The following SLC41A2 variants were observed in gnomAD, a reference collection of about 807,000 sequenced individuals.
The protein encoded by SLC41A2 is solute carrier family 41 member 2, also known as SLC41A1-like 1.
In SLC41A2, 32 loss-of-function variants were observed where a neutral mutation model predicts 58.3. That is an observed-to-expected ratio of 0.55 (90% confidence interval 0.41 to 0.74). The LOEUF (loss-of-function observed/expected upper bound fraction) is 0.74. Among genes scored for constraint, SLC41A2 ranks in the 30% least tolerant of loss-of-function variants. The probability of loss-of-function intolerance (pLI) is 0.00; values close to 1 mark genes in which losing one functional copy is unlikely to be tolerated. For missense variants in SLC41A2, 514 were observed against 680.6 expected, an observed-to-expected ratio of 0.76 and a Z score of 2.72; for synonymous variants, 190 against 235.0, an observed-to-expected ratio of 0.81 and a Z score of 1.75.
intron 3 of SLC41A2, among the ~76,000 whole-genome samples, chr12:104,904,965 G>C (rs577430714): frequency 1.3e-5 from 2 of 152,226 alleles, no homozygotes; most frequent in Non-Finnish European, 1.5e-5. Context: ...CGGGTAGCCT[G>C]CTTTTATTCT....
rs553990020 is a variant in SLC41A2, at chr12:104,897,512, G to A, written c.664-2167C>T. 1.9e-4 allele frequency among the ~76,000 whole-genome samples: 28 copies of A among 151,344 alleles called. No individual in the cohort carries two copies. In the South Asian group the frequency reaches 5.9e-3, roughly 32 times the overall value. ...TAGGGTGGTACTAATCAATTAATTT[G>A]TTTTATAAATGATGAAGATCACTTT... On this transcript the variant is annotated intron_variant, in intron 3 of 10. Transcript: ENST00000258538.
At chr12:104,829,824 A>C (rs2041980251) in intron 10 of SLC41A2, among the ~76,000 whole-genome samples, 1 of 92,808 alleles carries the variant, frequency 1.1e-5, no homozygotes, top group Admixed American at 1.1e-4. Flanking sequence ...TCAAAGGAAG[A>C]ATATTACTTT....
At chr12:104,900,423 A>G (rs1480335096) in intron 3 of SLC41A2, among the ~76,000 whole-genome samples, 1 of 152,330 alleles carries the variant, frequency 6.6e-6, no homozygotes, top group East Asian at 1.9e-4. Context: ...GAGATGATAT[A>G]TATGTTTGTT....
At chr12:104,891,782 A>T (rs1199726926) in intron 4 of SLC41A2, among the ~76,000 whole-genome samples, 1 of 152,124 alleles carries the variant, frequency 6.6e-6, no homozygotes, top group Non-Finnish European at 1.5e-5. Context: ...ACATAATCTT[A>T]TATTTGGAAA....
intron 10 of SLC41A2, among the ~76,000 whole-genome samples, chr12:104,806,064 T>C (rs1448920137): frequency 1.3e-5 from 2 of 151,972 alleles, no homozygotes; most frequent in African/African-American, 4.8e-5. Flanking sequence ...TATTTATTTT[T>C]ACTTTATTTT....
chr12:104,869,996 C>G (rs975359122), intron 6 of SLC41A2, among the ~76,000 whole-genome samples: 1 of 152,160 alleles, frequency 6.6e-6, no homozygotes, highest in South Asian at 2.1e-4. Context: ...CTGGGTATAT[C>G]ATAATGGGTA....
intron 3 of SLC41A2, among the ~76,000 whole-genome samples, chr12:104,896,727 T>A (rs932138842): frequency 1.3e-5 from 2 of 152,052 alleles, no homozygotes; most frequent in Non-Finnish European, 2.9e-5. Context: ...AATGAGTGAG[T>A]GCTATGAATT....
chr12:104,824,057 G>T (rs549844295), intron 10 of SLC41A2, among the ~76,000 whole-genome samples: 1 of 152,160 alleles, frequency 6.6e-6, no homozygotes, highest in African/African-American at 2.4e-5. Context: ...AAATGATACG[G>T]AAGAGGTGAA....
intron 1 of SLC41A2, among the ~76,000 whole-genome samples, chr12:104,939,379 G>A (rs896431543): frequency 3.9e-5 from 6 of 152,052 alleles, no homozygotes; most frequent in African/African-American, 1.4e-4. Context: ...TAAATAGTTT[G>A]TACAGACAGG....
intron 8 of SLC41A2, among the ~76,000 whole-genome samples, 172 bp downstream of exon 8, chr12:104,861,119 G>A (rs963386769): frequency 1.3e-5 from 2 of 152,166 alleles, no homozygotes. Flanking sequence ...TCTGCCTGTT[G>A]AGACCTGGGA....
intron 10 of SLC41A2, among the ~76,000 whole-genome samples, chr12:104,822,859 A>G (rs2041692117): frequency 6.6e-6 from 1 of 152,146 alleles, no homozygotes; most frequent in African/African-American, 2.4e-5. Context: ...AAAAAAGGTT[A>G]AGAAAACAAA....
At chr12:104,942,470 C>A (rs944850229) in intron 1 of SLC41A2, among the ~76,000 whole-genome samples, 9 of 117,548 alleles carry the variant, frequency 7.7e-5, no homozygotes, top group Admixed American at 7.1e-4. Flanking sequence ...AGAGTGAGAT[C>A]TTGTCCAAAA....
chr12:104,816,194 A>G (rs1459924572), intron 10 of SLC41A2, among the ~76,000 whole-genome samples: 1 of 152,252 alleles, frequency 6.6e-6, no homozygotes, highest in East Asian at 1.9e-4. Flanking sequence ...AAGTGTTTCT[A>G]CTTGTAGATA....
chr12:104,950,198 T>C (rs1312747852), intron 1 of SLC41A2, among the ~76,000 whole-genome samples: 1 of 152,182 alleles, frequency 6.6e-6, no homozygotes, highest in East Asian at 1.9e-4. Flanking sequence ...TATGCTCTGG[T>C]TGTGTCCCCA....
chr12:104,844,631 A>G lies in SLC41A2; in HGVS notation c.1388-11T>C, dbSNP rs754360630. 1.2e-5 allele frequency: 17 copies of G among 1,463,260 alleles called. No individual in the cohort carries two copies. 90.6% of individuals were successfully genotyped at this position (1,463,260 alleles called of 1,614,324 possible). A position where few individuals can be genotyped will look rare whatever the true frequency, so the allele number is the denominator to read the frequency against. On this transcript the variant is annotated splice_polypyrimidine_tract_variant and intron_variant, in intron 9 of 10. Transcript: ENST00000258538. ...ACTTATTATTTACTCCTGTAATATAAAATGTAAAAGTAATTAAAACAAAAT... is the reference window on the plus strand; with the variant it reads ...ACTTATTATTTACTCCTGTAATATAGAATGTAAAAGTAATTAAAACAAAAT...
chr12:104,808,966 G>A (rs1392831023), intron 10 of SLC41A2, among the ~76,000 whole-genome samples: 1 of 152,120 alleles, frequency 6.6e-6, no homozygotes, highest in Non-Finnish European at 1.5e-5. Flanking sequence ...TAATGTTCAT[G>A]GTTTTGGACA....
chr12:104,858,011 T>C (rs770533902), intron 8 of SLC41A2, among the ~76,000 whole-genome samples: 2 of 151,400 alleles, frequency 1.3e-5, no homozygotes, highest in Admixed American at 1.3e-4. Context: ...AAAAAGAAAA[T>C]AAAAAAATAA....
intron 1 of SLC41A2, among the ~76,000 whole-genome samples, chr12:104,932,380 T>A (rs958216666): frequency 6.6e-6 from 1 of 152,006 alleles, no homozygotes; most frequent in African/African-American, 2.4e-5. Flanking sequence ...AATCACAGCA[T>A]TTTGGGAGGC....
chr12:104,876,749 T>G (rs1164739598), intron 6 of SLC41A2, among the ~76,000 whole-genome samples: 1 of 152,210 alleles, frequency 6.6e-6, no homozygotes, highest in African/African-American at 2.4e-5. Flanking sequence ...GAATGTGTAT[T>G]CCGCTGCTGT....
Sources: gnomAD v4.1 joint callset for allele counts (sites outside exome capture counted in the v4.1 genomes callset) on GRCh38, gnomAD v4.1.1 for gene constraint, MANE v1.5 for transcripts, NCBI Gene and HGNC (gene_info 2026-07-23, HGNC 2026-07-21) for gene names.